Variants in PCDH7 observed in about 807,000 individuals in gnomAD.
PCDH7 encodes protocadherin-7.
PCDH7 carries 17 observed loss-of-function variants against 58.9 expected under a neutral mutation model. The ratio of observed to expected loss-of-function variants is 0.29; its 90% CI spans 0.20 to 0.43. The LOEUF (loss-of-function observed/expected upper bound fraction) is 0.43. PCDH7 is among the 20% of genes least tolerant of loss of function. The probability of loss-of-function intolerance (pLI) is 1.00; values close to 1 mark genes in which losing one functional copy is unlikely to be tolerated. For synonymous variants in PCDH7, 664 were observed against 616.4 expected, an observed-to-expected ratio of 1.08 and a Z score of -1.14; for missense variants, 1,274 against 1,441.0, an observed-to-expected ratio of 0.88 and a Z score of 1.88.
At chr4:30,839,228 G>A (rs931345223) in intron 1 of PCDH7, among the ~76,000 whole-genome samples, 1 of 151,628 alleles carries the variant, frequency 6.6e-6, no homozygotes, top group Non-Finnish European at 1.5e-5. Flanking sequence ...TAAGTATTTT[G>A]GACCTGAATT....
chr4:31,074,169 C>T, intron 3 of PCDH7, among the ~76,000 whole-genome samples: 1 of 151,716 alleles, frequency 6.6e-6, no homozygotes, highest in East Asian at 1.9e-4. Context: ...AACCATATCA[C>T]TCCTCTTATC....
At chr4:31,141,300 C>T (rs145059259) in intron 3 of PCDH7, among the ~76,000 whole-genome samples, 6 of 152,306 alleles carry the variant, frequency 3.9e-5, no homozygotes, top group East Asian at 1.9e-4. Flanking sequence ...AGGTCAAATT[C>T]GTCAGTCTTT....
intron 3 of PCDH7, among the ~76,000 whole-genome samples, chr4:31,108,369 T>TAAAAAAAAAAAAAAA (rs71190491): frequency 1.8e-4 from 11 of 60,090 alleles, no homozygotes; most frequent in African/African-American, 4.3e-4. Context: ...CAGCATACAG[T>TAAAAAAAAAAAAAAA]AAAAAAAAAA....
intron 2 of PCDH7, among the ~76,000 whole-genome samples, chr4:30,941,616 A>T (rs2109436859): frequency 6.6e-6 from 1 of 152,094 alleles, no homozygotes; most frequent in Admixed American, 6.6e-5. Flanking sequence ...ATTGTGCTTT[A>T]GTAGTGAATG....
intron 3 of PCDH7, among the ~76,000 whole-genome samples, chr4:31,061,568 A>G (rs896790970): frequency 6.6e-6 from 1 of 151,682 alleles, no homozygotes; most frequent in Non-Finnish European, 1.5e-5. Flanking sequence ...GTCTCCATGC[A>G]CTTAAATTGA....
At chr4:31,132,748 T>A (rs1719142233) in intron 3 of PCDH7, among the ~76,000 whole-genome samples, 1 of 152,180 alleles carries the variant, frequency 6.6e-6, no homozygotes, top group Admixed American at 6.5e-5. Context: ...TTATTTGGAC[T>A]TCTGTGATAA....
At chr4:31,144,386 T>G (rs147426111), downstream of PCDH7, 1 of 152,274 alleles carries the variant, frequency 6.6e-6, no homozygotes, top group African/African-American at 2.4e-5. Context: ...ATGCAGATTT[T>G]GAGCTACTCA....
intron 1 of PCDH7, among the ~76,000 whole-genome samples, chr4:30,781,601 A>G (rs1356032707): frequency 1.4e-5 from 2 of 144,936 alleles, no homozygotes; most frequent in Admixed American, 7.0e-5. Context: ...CAATGGTGTG[A>G]TCTTGGCTGA....
chr4:31,016,413 T>TTTTA (rs1753603485), intron 3 of PCDH7, among the ~76,000 whole-genome samples: 1 of 151,132 alleles, frequency 6.6e-6, no homozygotes. Context: ...TTTTTTTTTT[T>TTTTA]GCAGAACATC....
chr4:30,912,305 T>G (rs1741881111), intron 1 of PCDH7, among the ~76,000 whole-genome samples: 1 of 152,196 alleles, frequency 6.6e-6, no homozygotes, highest in Non-Finnish European at 1.5e-5. Context: ...CAATAGCCAC[T>G]GACACTGGTT....
intron 1 of PCDH7, among the ~76,000 whole-genome samples, chr4:30,905,530 G>A (rs534728781): frequency 6.6e-6 from 1 of 152,094 alleles, no homozygotes; most frequent in Admixed American, 6.5e-5. Flanking sequence ...GCTTTTGTAC[G>A]ATTAATCCAC....
intron 2 of PCDH7, among the ~76,000 whole-genome samples, chr4:30,929,741 A>T (rs886885620): frequency 4.6e-5 from 7 of 152,088 alleles, no homozygotes; most frequent in African/African-American, 1.7e-4. Flanking sequence ...CGTCTACATT[A>T]ATGAAGTTGT....
chr4:31,117,902 G>A (rs976100786), intron 3 of PCDH7, among the ~76,000 whole-genome samples: 1 of 152,132 alleles, frequency 6.6e-6, no homozygotes, highest in African/African-American at 2.4e-5. Context: ...TCTATTGACA[G>A]GCTCAATCAG....
At chr4:30,779,704 G>A (rs78912286) in intron 1 of PCDH7, among the ~76,000 whole-genome samples, 18,826 of 151,964 alleles carry the variant, frequency 0.12, 1,553 homozygotes, top group East Asian at 0.3. Context: ...TTAATTCCTT[G>A]GACATTTAAT....
At chr4:31,116,894 G>A (rs1322492615) in intron 3 of PCDH7, among the ~76,000 whole-genome samples, 1 of 152,112 alleles carries the variant, frequency 6.6e-6, no homozygotes, top group Non-Finnish European at 1.5e-5. Flanking sequence ...GGAGTGCAAT[G>A]GCGCGATCTC....
chr4:30,722,030 G>T lies in PCDH7; in HGVS notation c.608G>T (p.Ser203Ile), dbSNP rs933834191. ...AGCCGGCGCGCCGGGGCGGCCGACA[G>T]CGCCCCCTACCCCGGGGGCGGCGGG... is the stretch of plus-strand genomic sequence containing the variant. The change falls in exon 1 of 2, where the codon AGC (serine) becomes ATC (isoleucine). Residue 203 changes from serine (S) to isoleucine (I), a missense_variant. By Grantham distance (142) the Ser-to-Ile change is moderately radical. Transcript: ENST00000361762. The surrounding 1 kb of genome is among the most constrained non-coding windows in gnomAD (Gnocchi z 7.6). 4.6e-5 allele frequency: 58 copies of T among 1,252,878 alleles called. No individual in the cohort carries two copies. The Admixed American group carries it at 8.5e-4, about 18-fold the overall frequency. The allele number at this position is 1,252,878 out of a possible 1,614,324, so 77.6% of individuals were successfully genotyped here. A position where few individuals can be genotyped will look rare whatever the true frequency, so the allele number is the denominator to read the frequency against.
chr4:30,911,552 T>C (rs1396732914), intron 1 of PCDH7, among the ~76,000 whole-genome samples: 3 of 152,154 alleles, frequency 2.0e-5, no homozygotes, highest in African/African-American at 7.2e-5. Context: ...ATTGAATGAT[T>C]GTGTTAACAA....
chr4:30,872,952 G>T (rs2109363561), intron 1 of PCDH7, among the ~76,000 whole-genome samples: 1 of 152,164 alleles, frequency 6.6e-6, no homozygotes, highest in Admixed American at 6.6e-5. Context: ...GTAAATGATA[G>T]CTAGTCACAT....
chr4:30,897,510 A>C lies in PCDH7; in HGVS notation c.71-22643A>C, dbSNP rs146564422. Among the ~76,000 whole-genome samples the C allele has an allele frequency of 3.9e-4, 59 of 152,304 alleles. 2 individuals are homozygous for C. The East Asian group carries it at 0.01, about 27-fold the overall frequency. On this transcript the variant is annotated intron_variant, in intron 1 of 3. Transcript: ENST00000509759. ...TGACAATTGCCTTTGTTAATATAAA[A>C]TAAGGGATTAATATCTATGTTTTAA...
Sources: allele counts gnomAD v4.1 joint callset (sites outside exome capture counted in the v4.1 genomes callset), GRCh38; gene constraint gnomAD v4.1.1; non-coding constraint Gnocchi (gnomAD v3.1); transcripts MANE v1.5; gene names NCBI Gene and HGNC (gene_info 2026-07-23, HGNC 2026-07-21).